The following CD14 variants were observed in gnomAD, a reference collection of about 807,000 sequenced individuals.
CD14 encodes CD14 molecule.
A neutral mutation model predicts 2.5 loss-of-function variants in CD14; 4 were observed. The observed-to-expected ratio is 1.63, with a 90% confidence interval of 0.80 to 3.72. The LOEUF (loss-of-function observed/expected upper bound fraction) is 3.72. Among genes scored for constraint, CD14 ranks in the 30% most tolerant of loss-of-function variants. The pLI is 0.01. For synonymous variants in CD14, 236 were observed against 235.1 expected (o/e 1.00, Z -0.04); for missense variants, 478 against 497.8 (o/e 0.96, Z 0.38).
rs775178447 is a variant in CD14, at chr5:140,632,866, C to T, written c.118G>A (p.Glu40Lys). ...GCTTCGGACCAGTCGGGCTGAGGTT[C>T]GGAGAAGTTGCAGACGCAGCGGAAA... ...EDFRCVCNFSEPQPDWSEAFQ... is the reference protein window; with the variant it reads ...EDFRCVCNFSKPQPDWSEAFQ... The change falls in exon 2 of 2, where the codon GAA (glutamate) becomes AAA (lysine). Residue 40 changes from glutamate to lysine, a missense_variant. Coordinates refer to ENST00000302014, the MANE Select transcript of CD14 (RefSeq NM_000591.4). The surrounding 1 kb of genome is among the most constrained non-coding windows in gnomAD (Gnocchi z 6.2). The T allele has an allele frequency of 1.9e-6, 3 of 1,614,172 alleles. No individual in the cohort carries two copies. Among genetic ancestry groups the T allele is most frequent in the Non-Finnish European group, 8.5e-7 (1 of 1,180,036 alleles).
rs1198502649 is a variant in CD14, at chr5:140,631,875, C to A, written c.1109G>T (p.Gly370Val). ...GVSGTLVLLQGARGFA is the reference protein window; with the variant it reads ...GVSGTLVLLQVARGFA ...TGGATCTTAGGCAAAGCCCCGGGCC[C>A]CTTGGAGCAGCACCAGGGTTCCCGA... Residue 370 changes from glycine (G) to valine (V), a missense_variant, in exon 2 of 2, where the codon GGG becomes GTG. Gly to Val is a moderately radical substitution (Grantham distance 109). Transcript: ENST00000302014. The A allele has an allele frequency of 7.0e-6, 11 of 1,571,512 alleles. No homozygotes were observed. The highest frequency in any genetic ancestry group is 9.5e-6 in the Non-Finnish European group (11 of 1,154,454).
upstream of CD14, chr5:140,633,371 T>A: frequency 1.9e-6 from 1 of 538,848 alleles, no homozygotes; most frequent in Non-Finnish European, 3.4e-6. Flanking sequence ...TAGGGTTCTG[T>A]GTCTCCTGGC....
At chr5:140,633,225 A>G, upstream of CD14, 1 of 919,440 alleles carries the variant, frequency 1.1e-6, no homozygotes, top group Non-Finnish European at 1.7e-6. Flanking sequence ...GATGTCATTC[A>G]GTTCCCTCCT....
In CD14 at chr5:140,632,807, G is replaced by T; in HGVS notation, c.177C>A (p.Ile59=). The T allele has an allele frequency of 6.2e-7, 1 of 1,613,866 alleles. No individual in the cohort carries two copies. The highest frequency in any genetic ancestry group is 1.1e-5 in the South Asian group (1 of 91,084). ...FQCVSAVEVE[I]HAGGLNLEPF... ...GCTCTAGGTTGAGACCGCCGGCATG[G>T]ATCTCCACCTCTACTGCAGACACAC... is the stretch of plus-strand genomic sequence containing the variant. The change falls in exon 2 of 2, where the codon ATC becomes ATA. Residue 59 remains isoleucine, a synonymous_variant. Coordinates refer to ENST00000302014, the MANE Select transcript of CD14 (RefSeq NM_000591.4). This position sits in a 1 kb window ranked among gnomAD's most constrained non-coding sequence, Gnocchi z 6.2.
chr5:140,632,713 C>G lies in CD14; in HGVS notation c.271G>C (p.Val91Leu). Residue 91 changes from valine to leucine, a missense_variant, in exon 2 of 2, where the codon GTG (valine) becomes CTG (leucine). Transcript: ENST00000302014. The surrounding 1 kb of genome is among the most constrained non-coding windows in gnomAD (Gnocchi z 6.2). The part of the protein sequence containing the change: ...QYADTVKALR[V>L]RRLTVGAAQV... ...GCGGCTCCCACTGTGAGCCGCCGCACGCGGAGAGCCTTGACCGTGTCAGCA... is the reference window on the plus strand; with the variant it reads ...GCGGCTCCCACTGTGAGCCGCCGCAGGCGGAGAGCCTTGACCGTGTCAGCA... 1 of 1,613,676 alleles carries G rather than the reference C, an allele frequency of 6.2e-7. No homozygotes were observed. The highest frequency in any genetic ancestry group is 1.1e-5 in the South Asian group (1 of 91,084).
At position 140,633,079 on chromosome 5, in the gene CD14, A is replaced by G; in HGVS notation, c.-8T>C. On this transcript the variant is annotated 5_prime_UTR_variant, in exon 1 of 2. Coordinates refer to ENST00000302014, the MANE Select transcript of CD14 (RefSeq NM_000591.4). ...AGACCCTACACTCACCATGGTCGATAAGTCTTCCGAACCTCTGAGCTCCGG... is the reference window on the plus strand; with the variant it reads ...AGACCCTACACTCACCATGGTCGATGAGTCTTCCGAACCTCTGAGCTCCGG... The G allele has an allele frequency of 6.2e-7, 1 of 1,614,026 alleles. No individual in the cohort carries two copies. The highest frequency in any genetic ancestry group is 1.1e-5 in the South Asian group (1 of 91,056).
At position 140,631,961 on chromosome 5, in the gene CD14, C is replaced by T; in HGVS notation, c.1023G>A (p.Glu341=). The change falls in exon 2 of 2, where the codon GAG becomes GAA. Residue 341 remains glutamate (E), a synonymous_variant. Coordinates refer to ENST00000302014, the MANE Select transcript of CD14 (RefSeq NM_000591.4). ...GGACCACGCCGGAGTTCATTGAGCC[C>T]TCGTGGGGGAGGGCAGTTCCAGGGA... is the stretch of plus-strand genomic sequence containing the variant. ...FLVPGTALPH[E]GSMNSGVVPA... 6 of 1,613,616 alleles carry T rather than the reference C, an allele frequency of 3.7e-6. No individual in the cohort carries two copies. The highest frequency in any genetic ancestry group is 5.1e-6 in the Non-Finnish European group (6 of 1,179,564).
chr5:140,633,307 A>G (rs924128312), upstream of CD14: 12 of 619,886 alleles, frequency 1.9e-5, no homozygotes, highest in African/African-American at 7.3e-5. Flanking sequence ...AAATATTGCA[A>G]TGAAGGATGT....
chr5:140,631,868 C>T lies in CD14; in HGVS notation c.1116G>A (p.Arg372=). The T allele has an allele frequency of 6.4e-7, 1 of 1,562,430 alleles. No homozygotes were observed. Among genetic ancestry groups the T allele is most frequent in the Non-Finnish European group, 8.7e-7 (1 of 1,150,028 alleles). ...SGTLVLLQGA[R]GFA ...TCTGTCTTGGATCTTAGGCAAAGCC[C>T]CGGGCCCCTTGGAGCAGCACCAGGG... The change falls in exon 2 of 2, where the codon CGG becomes CGA. Residue 372 remains arginine (R), a synonymous_variant. Coordinates refer to ENST00000302014, the MANE Select transcript of CD14 (RefSeq NM_000591.4).
Position 140,632,652 on chromosome 5 carries a change from C to T in CD14, c.332G>A (p.Arg111His), listed in dbSNP as rs1460615098. ...VPAQLLVGAL[R>H]VLAYSRLKEL... ...CTTGAGGCGGGAGTACGCTAGCACA[C>T]GCAGGGCGCCTACCAGTAGCTGAGC... Residue 111 changes from arginine to histidine, a missense_variant, in exon 2 of 2, where the codon CGT becomes CAT. Arg to His is a conservative substitution (Grantham distance 29). Transcript: ENST00000302014. This position sits in a 1 kb window ranked among gnomAD's most constrained non-coding sequence, Gnocchi z 6.2. 1.9e-6 allele frequency: 3 copies of T among 1,613,696 alleles called. No individual in the cohort carries two copies. The highest frequency in any genetic ancestry group is 1.7e-6 in the Non-Finnish European group (2 of 1,180,026).
upstream of CD14, chr5:140,633,403 C>T (rs1411565178): frequency 4.1e-6 from 2 of 490,670 alleles, no homozygotes; most frequent in Non-Finnish European, 3.7e-6. Context: ...GACTCAGGCG[C>T]CCCAGGCGGT....
In CD14 at chr5:140,632,170, A is replaced by G; in HGVS notation, c.814T>C (p.Cys272Arg). The change falls in exon 2 of 2, where the codon TGC becomes CGC. Residue 272 changes from cysteine (C) to arginine (R), a missense_variant. Cys to Arg is a radical substitution (Grantham distance 180). Transcript: ENST00000302014. This position sits in a 1 kb window ranked among gnomAD's most constrained non-coding sequence, Gnocchi z 6.2. Reference protein sequence around the residue: ...RATVNPSAPRCMWSSALNSLN... With the variant: ...RATVNPSAPRRMWSSALNSLN... Reference sequence around the variant, plus strand: ...GAGTTCAGGGCGCTGGACCACATGCATCTCGGAGCGCTAGGGTTTACGGTG... The same window carrying G: ...GAGTTCAGGGCGCTGGACCACATGCGTCTCGGAGCGCTAGGGTTTACGGTG... 1 of 1,613,934 alleles carries G rather than the reference A, an allele frequency of 6.2e-7. No individual in the cohort carries two copies. The highest frequency in any genetic ancestry group is 8.5e-7 in the Non-Finnish European group (1 of 1,179,894).
chr5:140,633,064 C>G lies in CD14; in HGVS notation c.3+5G>C, dbSNP rs747769524. 12 of 1,614,198 alleles carry G rather than the reference C, an allele frequency of 7.4e-6. No individual in the cohort carries two copies. Among genetic ancestry groups the G allele is most frequent in the Non-Finnish European group, 1.0e-5 (12 of 1,180,024 alleles). ...ACGCGTTCGACCCCAAGACCCTACA[C>G]TCACCATGGTCGATAAGTCTTCCGA... On this transcript the variant is annotated splice_donor_5th_base_variant and intron_variant, in intron 1 of 1. Coordinates refer to ENST00000302014, the MANE Select transcript of CD14 (RefSeq NM_000591.4).
chr5:140,632,949 A>T lies in CD14; in HGVS notation c.35T>A (p.Leu12Gln). 6.2e-7 allele frequency: 1 copy of T among 1,613,308 alleles called. No homozygotes were observed. Among genetic ancestry groups the T allele is most frequent in the Non-Finnish European group, 8.5e-7 (1 of 1,179,634 alleles). Reference sequence around the variant, plus strand: ...GGTCGCAGAGACGTGCACCAGCGGCAGCAGCAGCAGCAACAAGCAGGACGC... The same window carrying T: ...GGTCGCAGAGACGTGCACCAGCGGCTGCAGCAGCAGCAACAAGCAGGACGC... The part of the protein sequence containing the change: ...ERASCLLLLL[L>Q]PLVHVSATTP... Residue 12 changes from leucine to glutamine, a missense_variant, in exon 2 of 2, where the codon CTG becomes CAG. Leu to Gln is a moderately radical substitution (Grantham distance 113). Coordinates refer to ENST00000302014, the MANE Select transcript of CD14 (RefSeq NM_000591.4). The surrounding 1 kb of genome is among the most constrained non-coding windows in gnomAD (Gnocchi z 6.2).
chr5:140,631,929 C>T lies in CD14; in HGVS notation c.1055G>A (p.Cys352Tyr). The T allele has an allele frequency of 1.9e-6, 3 of 1,608,908 alleles. No homozygotes were observed. The highest frequency in any genetic ancestry group is 1.1e-5 in the South Asian group (1 of 90,854). ...CCCCACCGACAGGGTCGAACGTGCA[C>T]AGGCTGGGACCACGCCGGAGTTCAT... The part of the protein sequence containing the change: ...GSMNSGVVPA[C>Y]ARSTLSVGVS... Residue 352 changes from cysteine to tyrosine, a missense_variant, in exon 2 of 2, where the codon TGT (cysteine) becomes TAT (tyrosine). Transcript: ENST00000302014.
chr5:140,632,425 A>T lies in CD14; in HGVS notation c.559T>A (p.Cys187Ser), dbSNP rs751911210. 4 of 1,614,212 alleles carry T rather than the reference A, an allele frequency of 2.5e-6. No individual in the cohort carries two copies. In the Admixed American group the frequency reaches 6.7e-5, roughly 27 times the overall value. Residue 187 changes from cysteine to serine, a missense_variant, in exon 2 of 2, where the codon TGC becomes AGC. Transcript: ENST00000302014. The surrounding 1 kb of genome is among the most constrained non-coding windows in gnomAD (Gnocchi z 6.2). ...GCCGGGAAGGCGCGAACCTGTTCGCAGGAAAAGGCAGGCGAGTGTGCTTGG... is the reference window on the plus strand; with the variant it reads ...GCCGGGAAGGCGCGAACCTGTTCGCTGGAAAAGGCAGGCGAGTGTGCTTGG... ...IAQAHSPAFS[C>S]EQVRAFPALT...
Position 140,632,246 on chromosome 5 carries a change from C to A in CD14, c.738G>T (p.Ala246=). Residue 246 remains alanine, a synonymous_variant, in exon 2 of 2, where the codon GCG becomes GCT. Transcript: ENST00000302014. This position sits in a 1 kb window ranked among gnomAD's most constrained non-coding sequence, Gnocchi z 6.2. ...CTAGGCTGTGGGGCTGCACACCTGC[C>A]GCCGCCAGTGCGGCGCACACGCCTG... ...TPTGVCAALA[A]AGVQPHSLDL... 6.2e-7 allele frequency: 1 copy of A among 1,613,624 alleles called. No individual in the cohort carries two copies. Among genetic ancestry groups the A allele is most frequent in the Non-Finnish European group, 8.5e-7 (1 of 1,180,020 alleles).
rs375259300 is a variant in CD14 at position 140,631,830 on chromosome 5, G to A, written c.*26C>T. ...CTCCCCTGAAGCCAAGGCAGTTTGA[G>A]TCCATTCATTATTCTGTCTTGGATC... On this transcript the variant is annotated 3_prime_UTR_variant, in exon 2 of 2. Transcript: ENST00000302014. 1.1e-4 allele frequency: 164 copies of A among 1,520,118 alleles called. No homozygotes were observed. Among genetic ancestry groups the A allele is most frequent in the Non-Finnish European group, 1.3e-4 (147 of 1,131,456 alleles). The allele number at this position is 1,520,118 out of a possible 1,614,324, so 94.2% of individuals were successfully genotyped here.
rs368708682 is a variant in CD14, at chr5:140,631,966, G to T, written c.1018C>A (p.His340Asn). 22 of 1,613,644 alleles carry T rather than the reference G, an allele frequency of 1.4e-5. No individual in the cohort carries two copies. Among genetic ancestry groups the T allele is most frequent in the East Asian group, 2.2e-5 (1 of 44,856 alleles). The change falls in exon 2 of 2, where the codon CAC (histidine) becomes AAC (asparagine). Residue 340 changes from histidine (H) to asparagine (N), a missense_variant. His to Asn is a moderately conservative substitution (Grantham distance 68). Coordinates refer to ENST00000302014, the MANE Select transcript of CD14 (RefSeq NM_000591.4). ...PFLVPGTALPHEGSMNSGVVP... is the reference protein window; with the variant it reads ...PFLVPGTALPNEGSMNSGVVP... ...ACGCCGGAGTTCATTGAGCCCTCGT[G>T]GGGGAGGGCAGTTCCAGGGACCAGG...
Sources: gnomAD v4.1 joint callset for allele counts on GRCh38, gnomAD v4.1.1 for gene constraint, Gnocchi (gnomAD v3.1) non-coding constraint, MANE v1.5 for transcripts, NCBI Gene and HGNC (gene_info 2026-07-23, HGNC 2026-07-21) for gene names.